The following ALG8 variants were observed in gnomAD, a reference collection of about 807,000 sequenced individuals.
ALG8 encodes the protein ALG8 alpha-1,3-glucosyltransferase.
A neutral mutation model predicts 70.2 loss-of-function variants in ALG8; 48 were observed. The ratio of observed to expected loss-of-function variants is 0.68; its 90% CI spans 0.54 to 0.87. The LOEUF (loss-of-function observed/expected upper bound fraction) is 0.87, where lower values mean the gene tolerates loss of function less well. Among genes scored for constraint, ALG8 ranks in the 40% least tolerant of loss-of-function variants. ALG8 has a pLI of 0.00. For missense variants in ALG8, 572 were observed against 608.7 expected, an observed-to-expected ratio of 0.94 and a Z score of 0.64; for synonymous variants, 234 against 229.0, an observed-to-expected ratio of 1.02 and a Z score of -0.20.
At chr11:78,114,128 A>C in intron 6 of ALG8, 138 bp downstream of exon 6, 1 of 1,411,736 alleles carries the variant, frequency 7.1e-7, no homozygotes, top group East Asian at 2.4e-5. Context: ...GAGAAAAGCG[A>C]GAATGGGTAA....
intron 11 of ALG8, 69 bp from the exon 12 acceptor site, chr11:78,104,121 T>TC: frequency 9.4e-7 from 1 of 1,061,120 alleles, no homozygotes; most frequent in Non-Finnish European, 1.4e-6. Flanking sequence ...CTGAAAGTAA[T>TC]ATAAGCACAC....
At chr11:78,131,779 T>C (rs1861319439) in intron 1 of ALG8, among the ~76,000 whole-genome samples, 1 of 152,116 alleles carries the variant, frequency 6.6e-6, no homozygotes, top group African/African-American at 2.4e-5. Context: ...TCTCTAAAAA[T>C]TAAAACAAAC....
intron 7 of ALG8, 110 bp downstream of exon 7, chr11:78,113,776 G>T: frequency 1.2e-6 from 1 of 821,844 alleles, no homozygotes; most frequent in Non-Finnish European, 1.9e-6. Flanking sequence ...TGGGTAAGGA[G>T]TAAGAAAAAA....
At chr11:78,101,611 T>A (rs1859801509) in intron 12 of ALG8, among the ~76,000 whole-genome samples, 1 of 152,096 alleles carries the variant, frequency 6.6e-6, no homozygotes, top group Admixed American at 6.6e-5. Flanking sequence ...AGAGTGAGAC[T>A]CTGTCTCAAA....
chr11:78,103,998 G>T lies in ALG8; in HGVS notation c.1331C>A (p.Ser444Ter). 1.3e-6 allele frequency: 2 copies of T among 1,495,450 alleles called. No individual in the cohort carries two copies. The highest frequency in any genetic ancestry group is 9.3e-7 in the Non-Finnish European group (1 of 1,076,612). 92.6% of individuals were successfully genotyped at this position (1,495,450 alleles called of 1,614,324 possible). A position where few individuals can be genotyped will look rare whatever the true frequency, so the allele number is the denominator to read the frequency against. Residue 444 changes from serine to a stop codon, truncating the protein, a stop_gained, in exon 12 of 13, where the codon TCA becomes TAA. Coordinates refer to ENST00000299626, the MANE Select transcript of ALG8 (RefSeq NM_024079.5). LOFTEE classifies it high-confidence loss of function. ...MLLFTIYSIS[S>*]LKTLFRKEKP... Reference sequence around the variant, plus strand: ...TGATTACCTGAATAAAGTCTTCAGTGACGAAATACTATATATGGTGAATAG... The same window carrying T: ...TGATTACCTGAATAAAGTCTTCAGTTACGAAATACTATATATGGTGAATAG...
In ALG8 at chr11:78,124,163, A is replaced by C; in HGVS notation, c.226T>G (p.Tyr76Asp). 1 of 1,614,180 alleles carries C rather than the reference A, an allele frequency of 6.2e-7. No homozygotes were observed. Among genetic ancestry groups the C allele is most frequent in the Non-Finnish European group, 8.5e-7 (1 of 1,180,030 alleles). The change falls in exon 3 of 13, where the codon TAT (tyrosine) becomes GAT (aspartate). Residue 76 changes from tyrosine (Y) to aspartate (D), a missense_variant. Transcript: ENST00000299626. ...TATTTGGCAACATGTGACAGGATAT[A>C]CTCAAACCATGCAAAGAAAGGGGGG... ...DYPPFFAWFE[Y>D]ILSHVAKYFD...
chr11:78,118,676 G>A (rs1313772161), intron 5 of ALG8, among the ~76,000 whole-genome samples: 2 of 151,370 alleles, frequency 1.3e-5, no homozygotes, highest in Non-Finnish European at 2.9e-5. Flanking sequence ...AGGCACAGGG[G>A]CTCATGCTTA....
At chr11:78,114,713 C>A in intron 5 of ALG8, 1 of 441,172 alleles carries the variant, frequency 2.3e-6, no homozygotes, top group South Asian at 1.7e-5. Flanking sequence ...CACCTGCAAT[C>A]CCAGCACTTT....
chr11:78,119,267 A>G lies in ALG8; in HGVS notation c.479-18T>C. The G allele has an allele frequency of 1.3e-6, 2 of 1,589,028 alleles. No homozygotes were observed. Among genetic ancestry groups the G allele is most frequent in the Non-Finnish European group, 1.7e-6 (2 of 1,157,606 alleles). ...ATGAATATCTGGACTTAGGTCAAGGAAAGACAACAGAGGACACCAAATTCA... is the reference window on the plus strand; with the variant it reads ...ATGAATATCTGGACTTAGGTCAAGGGAAGACAACAGAGGACACCAAATTCA... On this transcript the variant is annotated intron_variant, in intron 4 of 12. Coordinates refer to ENST00000299626, the MANE Select transcript of ALG8 (RefSeq NM_024079.5).
chr11:78,111,418 G>A (rs578120586), intron 8 of ALG8, among the ~76,000 whole-genome samples: 23 of 152,300 alleles, frequency 1.5e-4, no homozygotes, highest in Admixed American at 3.9e-4. Flanking sequence ...AAAGTTAGAC[G>A]AAAGGAAGCA....
In ALG8 at chr11:78,119,183, T is replaced by C. The variant is rs745715068; in HGVS notation, c.545A>G (p.Gln182Arg). 6.2e-7 allele frequency: 1 copy of C among 1,601,814 alleles called. No homozygotes were observed. The highest frequency in any genetic ancestry group is 1.7e-5 in the Admixed American group (1 of 59,958). ...LMLLSIARLF[Q>R]KRHMEGAFLF... is the part of the protein sequence containing the mutation. ...ATCTAATTAAACAATTATGTTTACC[T>C]GAAATAATCGTGCAATGGAGAGTAG... The change falls in exon 5 of 13, where the codon CAG (glutamine) becomes CGG (arginine). Residue 182 changes from glutamine (Q) to arginine (R), a missense_variant and splice_region_variant. Transcript: ENST00000299626.
At chr11:78,110,511 G>A (rs1164813961) in intron 8 of ALG8, among the ~76,000 whole-genome samples, 1 of 152,154 alleles carries the variant, frequency 6.6e-6, no homozygotes, top group South Asian at 2.1e-4. Flanking sequence ...CACTCTAACA[G>A]TGTTCACCAC....
chr11:78,124,234 T>C lies in ALG8; in HGVS notation c.175-20A>G. 1 of 1,607,302 alleles carries C rather than the reference T, an allele frequency of 6.2e-7. No individual in the cohort carries two copies. The highest frequency in any genetic ancestry group is 8.5e-7 in the Non-Finnish European group (1 of 1,173,818). On this transcript the variant is annotated intron_variant, in intron 2 of 12. Transcript: ENST00000299626. ...AGTTGCCTGTGATAAAAATAGAAGA[T>C]CAGACATATCCTAAATAACTGAATA...
chr11:78,114,122 A>C, intron 6 of ALG8, 133 bp from the exon 7 acceptor site: 1 of 1,403,800 alleles, frequency 7.1e-7, no homozygotes, highest in African/African-American at 1.4e-5. Flanking sequence ...AGAGCAGAGA[A>C]AAGCGAGAAT....
In ALG8 at chr11:78,109,595, A is replaced by T. The variant is rs1860190828; in HGVS notation, c.899-14T>A. ...TCAATTTCAAACCTATTAAACAGATATTTTGTTTTGTTTTATTTTTATCTT... is the reference window on the plus strand; with the variant it reads ...TCAATTTCAAACCTATTAAACAGATTTTTTGTTTTGTTTTATTTTTATCTT... On this transcript the variant is annotated splice_polypyrimidine_tract_variant and intron_variant, in intron 8 of 12. Transcript: ENST00000299626. 1 of 1,609,094 alleles carries T rather than the reference A, an allele frequency of 6.2e-7. No individual in the cohort carries two copies. The highest frequency in any genetic ancestry group is 2.2e-5 in the East Asian group (1 of 44,854).
chr11:78,130,572 C>T (rs1026342763), intron 1 of ALG8, among the ~76,000 whole-genome samples: 2 of 152,040 alleles, frequency 1.3e-5, no homozygotes, highest in Non-Finnish European at 2.9e-5. Context: ...AAATTTACTT[C>T]CACTGAACTT....
At chr11:78,111,516 C>T (rs116458394) in intron 8 of ALG8, among the ~76,000 whole-genome samples, 2,608 of 152,302 alleles carry the variant, frequency 0.017, 82 homozygotes, top group African/African-American at 0.06. Flanking sequence ...CTGGAGTCCA[C>T]AAACTATAGG....
rs1028964575 is a variant in ALG8, at chr11:78,130,440, T to C, written c.96-3004A>G. Among the ~76,000 whole-genome samples, 6 of 151,484 alleles carry C rather than the reference T, an allele frequency of 4.0e-5. No homozygotes were observed. The South Asian group carries it at 1.3e-3, about 32-fold the overall frequency. On this transcript the variant is annotated intron_variant, in intron 1 of 12. Coordinates refer to ENST00000299626, the MANE Select transcript of ALG8 (RefSeq NM_024079.5). The stretch of plus-strand genomic sequence containing the variant: ...TGGAAAGATGCCCGAGGGATAATAT[T>C]CTGCTTATTGATCTATATGCTTTTT...
intron 9 of ALG8, 79 bp downstream of exon 9, chr11:78,109,363 G>A (rs1860180033): frequency 3.2e-6 from 5 of 1,582,936 alleles, no homozygotes; most frequent in Non-Finnish European, 4.3e-6. Flanking sequence ...GGAAGAGCTT[G>A]AAAGTTGAAA....
Sources: allele counts gnomAD v4.1 joint callset (sites outside exome capture counted in the v4.1 genomes callset), GRCh38; gene constraint gnomAD v4.1.1; transcripts MANE v1.5; gene names NCBI Gene and HGNC (gene_info 2026-07-23, HGNC 2026-07-21).